The following SAMD12 variants were observed in gnomAD, a reference collection of about 807,000 sequenced individuals.
SAMD12 encodes the protein sterile alpha motif domain containing 12.
Under a neutral mutation model 15.0 loss-of-function variants are expected in SAMD12, and 9 were observed. The observed-to-expected ratio is 0.60, with a 90% CI of 0.36 to 1.05. SAMD12 has a LOEUF of 1.05. Among genes scored for constraint, SAMD12 ranks in the 50% least tolerant of loss-of-function variants. The pLI, the probability that SAMD12 is intolerant of heterozygous loss-of-function variation, is 0.01. For missense variants in SAMD12, 230 were observed against 234.2 expected, an observed-to-expected ratio of 0.98 and a Z score of 0.12; for synonymous variants, 86 against 90.1, an observed-to-expected ratio of 0.96 and a Z score of 0.25.
rs546785380 is a variant in SAMD12 at position 118,296,885 on chromosome 8, G to A, written c.433+82675C>T. Among the ~76,000 whole-genome samples the A allele has an allele frequency of 1.5e-4, 23 of 152,256 alleles. No individual in the cohort carries two copies. In the South Asian group the frequency reaches 4.8e-3, roughly 32 times the overall value. On this transcript the variant is annotated intron_variant, in intron 4 of 4. Coordinates refer to the SAMD12 transcript ENST00000409003. Reference sequence around the variant, plus strand: ...TCTGTTGACCACCTACTCTGTGCTAGGCACTGTTCTAAGTGCCTAGGATAC... The same window carrying A: ...TCTGTTGACCACCTACTCTGTGCTAAGCACTGTTCTAAGTGCCTAGGATAC...
chr8:118,236,198 T>C (rs1413543376), intron 4 of SAMD12, among the ~76,000 whole-genome samples: 2 of 152,142 alleles, frequency 1.3e-5, no homozygotes, highest in Non-Finnish European at 2.9e-5. Flanking sequence ...TTTCTTAAAA[T>C]ATTGAAGCAG....
At chr8:118,583,118 T>C (rs1222208614) in intron 1 of SAMD12, among the ~76,000 whole-genome samples, 5 of 152,162 alleles carry the variant, frequency 3.3e-5, no homozygotes, top group Non-Finnish European at 7.3e-5. Context: ...TGAACTAACA[T>C]GCTGGCAGTG....
chr8:118,417,532 TTAG>T lies in SAMD12; in HGVS notation c.322+22297_322+22299del, dbSNP rs764764691. Among the ~76,000 whole-genome samples, 222 of 152,316 alleles carry T rather than the reference TTAG, an allele frequency of 1.5e-3. 1 individual carries two copies. Among genetic ancestry groups the T allele is most frequent in the Middle Eastern group, 6.8e-3 (2 of 294 alleles). On this transcript the variant is annotated intron_variant, in intron 3 of 3. Coordinates refer to ENST00000314727, the MANE Select transcript of SAMD12 (RefSeq NM_207506.3). ...CACTAATTTAAAGATAATTGAACAATTAGTAGGTAATGAATGATCTGTAAATTA... is the reference window on the plus strand; with the variant it reads ...CACTAATTTAAAGATAATTGAACAATTAGGTAATGAATGATCTGTAAATTA...
chr8:118,278,427 TC>T (rs1207542808), intron 4 of SAMD12, among the ~76,000 whole-genome samples: 4 of 152,184 alleles, frequency 2.6e-5, no homozygotes, highest in Non-Finnish European at 5.9e-5. Context: ...TTTCCACACG[TC>T]CTCCTTTCTG....
chr8:118,607,680 G>A (rs935491138), intron 1 of SAMD12, among the ~76,000 whole-genome samples: 1 of 152,166 alleles, frequency 6.6e-6, no homozygotes, highest in Non-Finnish European at 1.5e-5. Context: ...CTACCTGAAA[G>A]GTTGATGTGA....
At chr8:118,441,954 A>G (rs563026863) in intron 2 of SAMD12, among the ~76,000 whole-genome samples, 1 of 152,296 alleles carries the variant, frequency 6.6e-6, no homozygotes, top group Admixed American at 6.5e-5. Flanking sequence ...CTCAGTTGAC[A>G]GTCATCACCA....
intron 2 of SAMD12, among the ~76,000 whole-genome samples, chr8:118,484,770 A>T (rs899344660): frequency 7.9e-5 from 12 of 152,172 alleles, no homozygotes; most frequent in Admixed American, 3.9e-4. Context: ...CTCTCACAGA[A>T]GCAGAAGATG....
the SAMD12 span, among the ~76,000 whole-genome samples, chr8:118,152,207 G>A: frequency 6.6e-6 from 1 of 152,146 alleles, no homozygotes; most frequent in African/African-American, 2.4e-5. Context: ...AAAGGCCAAA[G>A]TTCTACTTAA....
chr8:118,586,892 C>T (rs146181187), intron 1 of SAMD12, among the ~76,000 whole-genome samples: 306 of 152,224 alleles, frequency 2.0e-3, no homozygotes, highest in African/African-American at 6.1e-3. Context: ...GGTACTGATG[C>T]GTAACATATA....
intron 2 of SAMD12, among the ~76,000 whole-genome samples, chr8:118,510,380 A>G (rs1825046019): frequency 6.6e-6 from 1 of 152,190 alleles, no homozygotes; most frequent in African/African-American, 2.4e-5. Flanking sequence ...ACAAGGAGGT[A>G]TTTCATTTAA....
chr8:118,489,459 A>G (rs1563890877), intron 2 of SAMD12, among the ~76,000 whole-genome samples: 1 of 152,196 alleles, frequency 6.6e-6, no homozygotes, highest in South Asian at 2.1e-4. Context: ...AAAATATTCT[A>G]GTAGAAGGAA....
intron 2 of SAMD12, among the ~76,000 whole-genome samples, chr8:118,461,199 AC>A (rs1823410985): frequency 6.6e-6 from 1 of 152,138 alleles, no homozygotes; most frequent in African/African-American, 2.4e-5. Context: ...CCAACACAGA[AC>A]CCTGAGTATT....
At chr8:118,597,991 G>A (rs1827765490) in intron 1 of SAMD12, among the ~76,000 whole-genome samples, 1 of 152,200 alleles carries the variant, frequency 6.6e-6, no homozygotes. Context: ...GAATAAATGA[G>A]AATAGGATGC....
intron 2 of SAMD12, among the ~76,000 whole-genome samples, chr8:118,442,340 T>C (rs761074173): frequency 2.0e-4 from 30 of 152,318 alleles, no homozygotes; most frequent in Middle Eastern, 6.8e-3. Context: ...CAGCAGTGAC[T>C]TTCACGTTCA....
chr8:118,254,025 C>T (rs77813109), intron 4 of SAMD12, among the ~76,000 whole-genome samples: 1 of 152,074 alleles, frequency 6.6e-6, no homozygotes, highest in Non-Finnish European at 1.5e-5. Flanking sequence ...TGGGTGGACT[C>T]TAAATTACAC....
At chr8:118,190,655 A>G (rs1312040575) in exon 5 of SAMD12, 1 of 152,198 alleles carries the variant, frequency 6.6e-6, no homozygotes, top group Non-Finnish European at 1.5e-5. Context: ...GAATCATTGA[A>G]TAAAGCCTGC....
intron 2 of SAMD12, among the ~76,000 whole-genome samples, chr8:118,557,874 G>T (rs546760608): frequency 1.3e-5 from 2 of 151,986 alleles, no homozygotes; most frequent in South Asian, 2.1e-4. Flanking sequence ...TTTAAGCTTA[G>T]CATAAATATA....
chr8:118,611,691 A>G (rs1454339963), intron 1 of SAMD12, among the ~76,000 whole-genome samples: 2 of 152,192 alleles, frequency 1.3e-5, no homozygotes, highest in African/African-American at 4.8e-5. Flanking sequence ...CTCAACTGAA[A>G]TGTTCACATT....
intron 3 of SAMD12, among the ~76,000 whole-genome samples, chr8:118,396,497 T>C (rs1207751510): frequency 6.6e-6 from 1 of 152,222 alleles, no homozygotes; most frequent in Non-Finnish European, 1.5e-5. Flanking sequence ...GTTGTATTTA[T>C]CTCAGTAACT....
Sources: gnomAD v4.1 joint callset for allele counts (sites outside exome capture counted in the v4.1 genomes callset) on GRCh38, gnomAD v4.1.1 for gene constraint, MANE v1.5 for transcripts, NCBI Gene and HGNC (gene_info 2026-07-23, HGNC 2026-07-21) for gene names.